Variants in LATS1 observed in about 807,000 individuals in gnomAD.
LATS1 encodes the protein serine/threonine-protein kinase LATS1.
A neutral mutation model predicts 106.6 loss-of-function variants in LATS1; 25 were observed. The observed-to-expected ratio is 0.23, with a 90% CI of 0.17 to 0.33. The LOEUF is 0.33. Ranked by LOEUF, LATS1 falls within the 10% of genes least tolerant of loss-of-function variation. The pLI, the probability that LATS1 is intolerant of heterozygous loss-of-function variation, is 1.00. For synonymous variants in LATS1, 465 were observed against 455.6 expected, an observed-to-expected ratio of 1.02 and a Z score of -0.26; for missense variants, 1,040 against 1,382.6, an observed-to-expected ratio of 0.75 and a Z score of 3.93.
intron 1 of LATS1, among the ~76,000 whole-genome samples, chr6:149,706,526 T>C (rs943592088): frequency 6.6e-6 from 1 of 151,982 alleles, no homozygotes; most frequent in African/African-American, 2.4e-5. Context: ...AAAAAGATAT[T>C]CCCCTTCCTA....
At chr6:149,696,689 A>G (rs138870751) in intron 2 of LATS1, among the ~76,000 whole-genome samples, 1 of 152,036 alleles carries the variant, frequency 6.6e-6, no homozygotes, top group Admixed American at 6.6e-5. Flanking sequence ...TTTTCAGAGA[A>G]CTATATTACA....
At chr6:149,671,104 C>T (rs1054329449) in intron 7 of LATS1, among the ~76,000 whole-genome samples, 1 of 148,714 alleles carries the variant, frequency 6.7e-6, no homozygotes, top group African/African-American at 2.5e-5. Flanking sequence ...TGTGAGGTCA[C>T]TTGAGGTTCA....
intron 1 of LATS1, among the ~76,000 whole-genome samples, chr6:149,714,812 A>C (rs1200051196): frequency 1.3e-5 from 2 of 152,208 alleles, no homozygotes; most frequent in Non-Finnish European, 2.9e-5. Flanking sequence ...CTGAATGTGA[A>C]TAAGGCTGAG....
intron 3 of LATS1, among the ~76,000 whole-genome samples, chr6:149,690,235 C>T (rs1292603142): frequency 6.6e-5 from 8 of 120,820 alleles, no homozygotes; most frequent in South Asian, 2.5e-4. Context: ...TTTTTTGAGA[C>T]GGAGTTTTGT....
chr6:149,683,448 A>T lies in LATS1; in HGVS notation c.1641T>A (p.Ala547=). 6.2e-7 allele frequency: 1 copy of T among 1,614,194 alleles called. No homozygotes were observed. Among genetic ancestry groups the T allele is most frequent in the East Asian group, 2.2e-5 (1 of 44,890 alleles). ...ASNVTVMPPV[A]EAPNYQGPPP... is the part of the protein sequence containing the mutation. Reference sequence around the variant, plus strand: ...GTGGTCCTTGATAGTTTGGAGCTTCAGCAACAGGTGGCATCACAGTCACAT... The same window carrying T: ...GTGGTCCTTGATAGTTTGGAGCTTCTGCAACAGGTGGCATCACAGTCACAT... The change falls in exon 4 of 8, where the codon GCT becomes GCA. Residue 547 remains alanine, a synonymous_variant. Coordinates refer to ENST00000543571, the MANE Select transcript of LATS1 (RefSeq NM_004690.4).
chr6:149,703,367 A>G (rs1192406155), intron 1 of LATS1, among the ~76,000 whole-genome samples: 1 of 152,120 alleles, frequency 6.6e-6, no homozygotes, highest in Non-Finnish European at 1.5e-5. Context: ...ATGAACTAGG[A>G]CTCTGATATG....
chr6:149,700,355 C>A (rs111565680), intron 2 of LATS1, among the ~76,000 whole-genome samples: 3,734 of 151,896 alleles, frequency 0.025, 138 homozygotes, highest in African/African-American at 0.084. Context: ...CGCCTATAGT[C>A]CCAGCTACTC....
chr6:149,711,651 CAAG>C (rs753500930), intron 1 of LATS1, among the ~76,000 whole-genome samples: 5 of 152,090 alleles, frequency 3.3e-5, no homozygotes, highest in Non-Finnish European at 5.9e-5. Flanking sequence ...CTTCTATGAG[CAAG>C]AAGCTAGTTG....
chr6:149,669,488 G>A (rs907406579), intron 7 of LATS1, among the ~76,000 whole-genome samples: 1 of 152,050 alleles, frequency 6.6e-6, no homozygotes, highest in Non-Finnish European at 1.5e-5. Flanking sequence ...CAAGCCAGGT[G>A]CAGGCTCATG....
intron 1 of LATS1, among the ~76,000 whole-genome samples, chr6:149,717,048 TGG>T (rs1432788425): frequency 1.3e-5 from 2 of 152,224 alleles, no homozygotes; most frequent in African/African-American, 4.8e-5. Context: ...TTTCCAAAAC[TGG>T]AGTTATACAA....
intron 1 of LATS1, among the ~76,000 whole-genome samples, chr6:149,708,747 C>T (rs748442146): frequency 6.6e-6 from 1 of 152,148 alleles, no homozygotes; most frequent in African/African-American, 2.4e-5. Context: ...GGATGGAGAA[C>T]CCTACTGACT....
At chr6:149,709,783 C>T (rs1287433874) in intron 1 of LATS1, among the ~76,000 whole-genome samples, 2 of 144,542 alleles carry the variant, frequency 1.4e-5, no homozygotes, top group Admixed American at 7.4e-5. Context: ...TCAAGTGATT[C>T]TCCTGCCTCA....
intron 3 of LATS1, among the ~76,000 whole-genome samples, chr6:149,690,256 C>T (rs1295333083): frequency 6.9e-6 from 1 of 145,324 alleles, no homozygotes; most frequent in East Asian, 2.0e-4. Flanking sequence ...TCTCGTTGAC[C>T]AGGCTGGAGT....
At chr6:149,669,068 C>T (rs1284876174) in intron 7 of LATS1, among the ~76,000 whole-genome samples, 1 of 151,964 alleles carries the variant, frequency 6.6e-6, no homozygotes, top group Non-Finnish European at 1.5e-5. Context: ...AGTGTTCTTC[C>T]TGCTGTGGCC....
At chr6:149,698,682 T>C (rs1783255186) in intron 2 of LATS1, among the ~76,000 whole-genome samples, 1 of 151,918 alleles carries the variant, frequency 6.6e-6, no homozygotes, top group Non-Finnish European at 1.5e-5. Flanking sequence ...GCCACCCAAG[T>C]AGCTGGGACT....
chr6:149,662,103 G>A lies in LATS1; in HGVS notation c.3019C>T (p.His1007Tyr). The change falls in exon 8 of 8, where the codon CAT becomes TAT. Residue 1007 changes from histidine to tyrosine, a missense_variant. Coordinates refer to ENST00000543571, the MANE Select transcript of LATS1 (RefSeq NM_004690.4). ...GKNGADEIKA[H>Y]PFFKTIDFSS... ...AAGTCAATTGTTTTAAAAAATGGAT[G>A]AGCTTTTATTTCATCAGCACCATTC... 3 of 1,614,156 alleles carry A rather than the reference G, an allele frequency of 1.9e-6. No homozygotes were observed. The highest frequency in any genetic ancestry group is 2.5e-6 in the Non-Finnish European group (3 of 1,180,024).
In LATS1 at chr6:149,661,746, C is replaced by G. The variant is rs747711157; in HGVS notation, c.3376G>C (p.Asp1126His). Residue 1126 changes from aspartate (D) to histidine (H), a missense_variant, in exon 8 of 8, where the codon GAT becomes CAT. Coordinates refer to ENST00000543571, the MANE Select transcript of LATS1 (RefSeq NM_004690.4). ...CTAGTGTGTTAAACATATACTAGAT[C>G]GCGATTTTTAATCTCTGAGCCTGTG... ...QNTGSEIKNR[D>H]LVYV The G allele has an allele frequency of 6.4e-7, 1 of 1,564,646 alleles. No homozygotes were observed. The highest frequency in any genetic ancestry group is 8.6e-7 in the Non-Finnish European group (1 of 1,158,748).
intron 7 of LATS1, among the ~76,000 whole-genome samples, chr6:149,667,477 T>C (rs1448895198): frequency 4.0e-5 from 5 of 125,818 alleles, no homozygotes; most frequent in Non-Finnish European, 8.4e-5. Context: ...AGGAGGTGGA[T>C]ACTAATTATG....
rs1245938013 is a variant in LATS1, at chr6:149,670,613, T to C, written c.2883+5647A>G. Among the ~76,000 whole-genome samples the C allele has an allele frequency of 2.6e-5, 4 of 151,936 alleles. No individual in the cohort carries two copies. In the East Asian group the frequency reaches 7.7e-4, roughly 29 times the overall value. ...CAGTAAGAACTCTGCCCTCCAAAAA[T>C]TTGAGGTTGTCTATCTTGGTTGGTG... On this transcript the variant is annotated intron_variant, in intron 7 of 7. Transcript: ENST00000543571.
Sources: allele counts gnomAD v4.1 joint callset (sites outside exome capture counted in the v4.1 genomes callset), GRCh38; gene constraint gnomAD v4.1.1; transcripts MANE v1.5; gene names NCBI Gene and HGNC (gene_info 2026-07-23, HGNC 2026-07-21).